Variants in SOX6 observed in about 807,000 individuals in gnomAD.
SOX6 encodes transcription factor SOX-6.
Under a neutral mutation model 97.8 loss-of-function variants are expected in SOX6, and 11 were observed. The observed-to-expected ratio is 0.11, with a 90% CI of 0.07 to 0.19. The LOEUF is 0.19. Ranked by LOEUF, SOX6 falls within the 10% of genes least tolerant of loss-of-function variation. SOX6 has a pLI of 1.00. For missense variants in SOX6, 810 were observed against 1,039.5 expected, an observed-to-expected ratio of 0.78 and a Z score of 3.04; for synonymous variants, 360 against 371.4, an observed-to-expected ratio of 0.97 and a Z score of 0.35.
At chr11:16,259,472 T>A in intron 3 of SOX6, among the ~76,000 whole-genome samples, 1 of 151,878 alleles carries the variant, frequency 6.6e-6, no homozygotes, top group East Asian at 1.9e-4. Context: ...CCATAATCAG[T>A]AAAAAAAATT....
At chr11:16,162,627 T>C (rs1158468488) in intron 6 of SOX6, among the ~76,000 whole-genome samples, 1 of 152,190 alleles carries the variant, frequency 6.6e-6, no homozygotes, top group African/African-American at 2.4e-5. Flanking sequence ...TCCTGAGGCT[T>C]CATAAAAAGC....
At chr11:16,670,521 C>A (rs1461082903) in intron 3 of SOX6, among the ~76,000 whole-genome samples, 1 of 152,156 alleles carries the variant, frequency 6.6e-6, no homozygotes, top group Non-Finnish European at 1.5e-5. Context: ...AACGAAGGAG[C>A]AAAGACCCTA....
intron 4 of SOX6, among the ~76,000 whole-genome samples, chr11:16,551,308 C>T (rs530538313): frequency 8.8e-4 from 134 of 152,192 alleles, no homozygotes; most frequent in South Asian, 2.1e-3. Flanking sequence ...TGTGGTCACG[C>T]CACTGTACTC....
At chr11:16,452,759 T>G (rs757354776) in intron 1 of SOX6, among the ~76,000 whole-genome samples, 4 of 151,918 alleles carry the variant, frequency 2.6e-5, no homozygotes, top group Non-Finnish European at 5.9e-5. Context: ...GGCAAAAAAA[T>G]GGACATATAA....
intron 4 of SOX6, among the ~76,000 whole-genome samples, chr11:16,213,970 A>G (rs998560389): frequency 2.6e-5 from 4 of 152,206 alleles, no homozygotes; most frequent in Non-Finnish European, 5.9e-5. Flanking sequence ...ACTCCCCAAA[A>G]GACTTAGCCT....
chr11:16,582,131 T>C (rs1023101716), intron 4 of SOX6, among the ~76,000 whole-genome samples: 8 of 151,762 alleles, frequency 5.3e-5, no homozygotes, highest in African/African-American at 9.7e-5. Flanking sequence ...GACATAAAGA[T>C]TGAAACAATA....
chr11:16,228,202 GA>G (rs35853241), intron 4 of SOX6, among the ~76,000 whole-genome samples: 34 of 145,852 alleles, frequency 2.3e-4, no homozygotes, highest in South Asian at 6.5e-4. Flanking sequence ...CATCTCAAAA[GA>G]AAAAAAAAAA....
At chr11:16,424,691 G>C (rs956746894) in intron 1 of SOX6, among the ~76,000 whole-genome samples, 4 of 152,214 alleles carry the variant, frequency 2.6e-5, no homozygotes, top group Admixed American at 6.5e-5. Flanking sequence ...GGAATTCCTA[G>C]ATGTGAGATA....
rs1389821473 is a variant in SOX6 at position 16,600,952 on chromosome 11, T to TTTTACTTGAATA, written n.609+11117_609+11128dup. ...TACACTATATAGGAGCACTAGGTTT[T>TTTTACTTGAATA]TTTACTTGAATATTGAGATTCAGGG... On this transcript the variant is annotated intron_variant and non_coding_transcript_variant, in intron 4 of 5. Transcript: ENST00000524520. 2.0e-5 allele frequency among the ~76,000 whole-genome samples: 3 copies of TTTTACTTGAATA among 152,172 alleles called. No homozygotes were observed. In the East Asian group the frequency reaches 5.8e-4, roughly 29 times the overall value.
chr11:16,587,699 G>C (rs1021767247), intron 4 of SOX6, among the ~76,000 whole-genome samples: 14 of 152,324 alleles, frequency 9.2e-5, no homozygotes, highest in African/African-American at 2.9e-4. Context: ...AATGAAAATA[G>C]GGGTGTTATT....
intron 4 of SOX6, among the ~76,000 whole-genome samples, chr11:16,603,343 A>G (rs1168620940): frequency 6.6e-6 from 1 of 152,204 alleles, no homozygotes; most frequent in Non-Finnish European, 1.5e-5. Flanking sequence ...GAAGCTCAAG[A>G]AACAACAAGG....
chr11:16,330,121 G>T (rs965847643), intron 2 of SOX6, among the ~76,000 whole-genome samples: 2 of 152,024 alleles, frequency 1.3e-5, no homozygotes, highest in Non-Finnish European at 2.9e-5. Context: ...AATATACTCA[G>T]TACTGTCTGA....
rs1853999085 is a variant in SOX6 at position 16,264,224 on chromosome 11, C to G, written c.446-29553G>C. 2.6e-5 allele frequency among the ~76,000 whole-genome samples: 4 copies of G among 152,028 alleles called. No homozygotes were observed. The South Asian group carries it at 8.3e-4, about 32-fold the overall frequency. On this transcript the variant is annotated intron_variant, in intron 3 of 15. Transcript: ENST00000683767. Reference sequence around the variant, plus strand: ...TTTCTACTCCATTTGCACCCATCATCTCTAGATAACCAGTCTCAATAGTTT... The same window carrying G: ...TTTCTACTCCATTTGCACCCATCATGTCTAGATAACCAGTCTCAATAGTTT...
At chr11:16,270,245 C>A (rs1175827466) in intron 3 of SOX6, among the ~76,000 whole-genome samples, 1 of 151,358 alleles carries the variant, frequency 6.6e-6, no homozygotes, top group African/African-American at 2.4e-5. Context: ...AGATGCTCAA[C>A]ATCATTAATC....
chr11:16,389,969 TAAAAAAAAAA>T lies in SOX6; in HGVS notation c.-4-48727_-4-48718del, dbSNP rs536056301. ...TGGGCGACAGGGCAAGACTCCGTCTTAAAAAAAAAAAAAAAAAAAAAAAAAAAGAAGCTTA... is the reference window on the plus strand; with the variant it reads ...TGGGCGACAGGGCAAGACTCCGTCTTAAAAAAAAAAAAAAAAAGAAGCTTA... On this transcript the variant is annotated intron_variant, in intron 1 of 15. Coordinates refer to the SOX6 transcript ENST00000396356. 3.0e-3 allele frequency among the ~76,000 whole-genome samples: 125 copies of T among 41,852 alleles called. 3 individuals are homozygous for T. Among genetic ancestry groups the T allele is most frequent in the Admixed American group, 3.7e-3 (11 of 2,962 alleles). 27.5% of individuals were successfully genotyped at this position (41,852 alleles called of 152,430 possible).
chr11:16,492,839 T>C (rs568599902), intron 4 of SOX6, among the ~76,000 whole-genome samples: 12 of 152,132 alleles, frequency 7.9e-5, no homozygotes, highest in Non-Finnish European at 1.6e-4. Flanking sequence ...TAAAAGAGGA[T>C]TTCTATATGG....
intron 6 of SOX6, among the ~76,000 whole-genome samples, chr11:16,182,914 T>A (rs181434246): frequency 1.1e-4 from 17 of 151,868 alleles, no homozygotes; most frequent in African/African-American, 3.6e-4. Flanking sequence ...ATTTTTTTTT[T>A]AAAATACAGA....
upstream of SOX6, among the ~76,000 whole-genome samples, chr11:16,360,598 GA>G (rs1196232139): frequency 6.6e-6 from 1 of 152,178 alleles, no homozygotes; most frequent in Admixed American, 6.6e-5. Context: ...TCTAGAAGGG[GA>G]CAAGAATTGT....
chr11:16,089,077 C>G (rs1251548660), intron 9 of SOX6, among the ~76,000 whole-genome samples: 1 of 152,082 alleles, frequency 6.6e-6, no homozygotes, highest in Non-Finnish European at 1.5e-5. Flanking sequence ...GAGAAACACA[C>G]AGTGAGAAAT....
Sources: allele counts gnomAD v4.1 joint callset (sites outside exome capture counted in the v4.1 genomes callset), GRCh38; gene constraint gnomAD v4.1.1; transcripts MANE v1.5; gene names NCBI Gene and HGNC (gene_info 2026-07-23, HGNC 2026-07-21).